TLE4: variants seen among roughly 807,000 people sequenced by gnomAD.
TLE4 encodes the protein transducin-like enhancer protein 4.
A neutral mutation model predicts 92.8 loss-of-function variants in TLE4; 8 were observed. The observed-to-expected ratio is 0.09, with a 90% CI of 0.05 to 0.16. TLE4 has a LOEUF of 0.16. Ranked by LOEUF, TLE4 falls within the 10% of genes least tolerant of loss-of-function variation. The pLI is 1.00. For synonymous variants in TLE4, 371 were observed against 374.1 expected, an observed-to-expected ratio of 0.99 and a Z score of 0.10; for missense variants, 675 against 997.6, an observed-to-expected ratio of 0.68 and a Z score of 4.36.
chr9:79,697,451 T>C lies in TLE4; in HGVS notation c.610-7332T>C, dbSNP rs1588377838. ...ACTCATTCATCTACTTTCTTCCTTGTGTGGCCCAACACTTGCACCACATGC... is the reference window on the plus strand; with the variant it reads ...ACTCATTCATCTACTTTCTTCCTTGCGTGGCCCAACACTTGCACCACATGC... On this transcript the variant is annotated intron_variant, in intron 8 of 19. Transcript: ENST00000376552. 3.9e-5 allele frequency among the ~76,000 whole-genome samples: 6 copies of C among 152,142 alleles called. No individual in the cohort carries two copies. In the South Asian group the frequency reaches 1.2e-3, roughly 32 times the overall value.
intron 8 of TLE4, among the ~76,000 whole-genome samples, chr9:79,681,681 C>A (rs893014289): frequency 1.3e-5 from 2 of 151,408 alleles, no homozygotes; most frequent in African/African-American, 4.9e-5. Flanking sequence ...CTGTGGATAA[C>A]TTTTTAAGAA....
intron 4 of TLE4, among the ~76,000 whole-genome samples, chr9:79,598,263 G>GAA (rs938142420): frequency 1.6e-5 from 2 of 128,924 alleles, no homozygotes; most frequent in Non-Finnish European, 3.4e-5. Context: ...AAAAAAAAAA[G>GAA]AAAAAAAAAA....
At chr9:79,668,103 G>A (rs1361251872) in intron 8 of TLE4, among the ~76,000 whole-genome samples, 2 of 152,224 alleles carry the variant, frequency 1.3e-5, no homozygotes, top group African/African-American at 4.8e-5. Flanking sequence ...CTCCTACAGA[G>A]GGTATACAGT....
intron 4 of TLE4, among the ~76,000 whole-genome samples, chr9:79,604,149 A>G (rs1280263706): frequency 1.3e-5 from 2 of 152,176 alleles, no homozygotes; most frequent in Non-Finnish European, 2.9e-5. Flanking sequence ...GGTAAGTGAA[A>G]GCATCAGAGG....
At chr9:79,606,544 AG>A (rs1439038434) in intron 4 of TLE4, among the ~76,000 whole-genome samples, 1 of 151,600 alleles carries the variant, frequency 6.6e-6, no homozygotes, top group African/African-American at 2.4e-5. Context: ...ACTCCCCAAC[AG>A]GCCCTGATGT....
chr9:79,612,658 A>T lies in TLE4; in HGVS notation c.255A>T (p.Ala85=). The change falls in exon 5 of 20, where the codon GCA becomes GCT. Residue 85 remains alanine (A), a splice_region_variant and synonymous_variant. Transcript: ENST00000376552. The part of the protein sequence containing the change: ...YGLNIEMHKQ[A]EIVKRLNAIC... Reference sequence around the variant, plus strand: ...TTCCTTTCCCTTATTTTTTGCAGGCAGAGATTGTCAAGAGGCTGAATGCTA... The same window carrying T: ...TTCCTTTCCCTTATTTTTTGCAGGCTGAGATTGTCAAGAGGCTGAATGCTA... The T allele has an allele frequency of 6.2e-7, 1 of 1,612,898 alleles. No homozygotes were observed. The highest frequency in any genetic ancestry group is 8.5e-7 in the Non-Finnish European group (1 of 1,179,190).
intron 6 of TLE4, among the ~76,000 whole-genome samples, chr9:79,648,409 A>T (rs2058432737): frequency 6.6e-6 from 1 of 152,198 alleles, no homozygotes; most frequent in African/African-American, 2.4e-5. Flanking sequence ...AGTGAATAAT[A>T]CAGGGAGCCC....
intron 14 of TLE4, among the ~76,000 whole-genome samples, chr9:79,715,634 T>G (rs1170785944): frequency 2.0e-5 from 3 of 152,126 alleles, no homozygotes; most frequent in African/African-American, 7.2e-5. Context: ...GACTACCCCC[T>G]CTTCCACCTT....
intron 8 of TLE4, among the ~76,000 whole-genome samples, chr9:79,701,723 C>T (rs897625473): frequency 4.6e-5 from 7 of 152,144 alleles, no homozygotes; most frequent in Non-Finnish European, 7.3e-5. Flanking sequence ...ATTGTTCATC[C>T]TAGTGATGCT....
At chr9:79,706,094 G>A in intron 10 of TLE4, 152 bp downstream of exon 10, 1 of 779,232 alleles carries the variant, frequency 1.3e-6, no homozygotes, top group Admixed American at 1.9e-5. Flanking sequence ...GCCCTGGCTA[G>A]AGTACAGTAT....
At chr9:79,621,845 TA>T (rs1227570193) in intron 5 of TLE4, among the ~76,000 whole-genome samples, 1 of 152,166 alleles carries the variant, frequency 6.6e-6, no homozygotes, top group Non-Finnish European at 1.5e-5. Context: ...AGTGGCTTCT[TA>T]AGTACATGTG....
At chr9:79,694,486 G>T (rs1455445409) in intron 8 of TLE4, among the ~76,000 whole-genome samples, 2 of 152,124 alleles carry the variant, frequency 1.3e-5, no homozygotes, top group African/African-American at 4.8e-5. Context: ...TTGTTGTCAT[G>T]TGAAAGCTCG....
chr9:79,720,177 A>G lies in TLE4; in HGVS notation c.1722A>G (p.Thr574=). Reference sequence around the variant, plus strand: ...CCCCACGCATCAAGGCAGAGCTGACATCCTCGGCCCCCGCCTGCTATGCCC... The same window carrying G: ...CCCCACGCATCAAGGCAGAGCTGACGTCCTCGGCCCCCGCCTGCTATGCCC... The part of the protein sequence containing the change: ...APTPRIKAEL[T]SSAPACYALA... Residue 574 remains threonine, a synonymous_variant, in exon 16 of 20, where the codon ACA becomes ACG. Coordinates refer to ENST00000376552, the MANE Select transcript of TLE4 (RefSeq NM_007005.6). 6.2e-7 allele frequency: 1 copy of G among 1,614,202 alleles called. No individual in the cohort carries two copies. Among genetic ancestry groups the G allele is most frequent in the South Asian group, 1.1e-5 (1 of 91,084 alleles).
intron 16 of TLE4, 103 bp from the exon 17 acceptor site, chr9:79,721,638 A>G: frequency 6.6e-7 from 1 of 1,516,856 alleles, no homozygotes; most frequent in Non-Finnish European, 8.9e-7. Flanking sequence ...AATGAAATCT[A>G]CAAATAAGGC....
intron 4 of TLE4, among the ~76,000 whole-genome samples, chr9:79,585,467 C>T (rs866527865): frequency 7.2e-5 from 11 of 152,184 alleles, no homozygotes; most frequent in Admixed American, 4.6e-4. Flanking sequence ...TGACTGATTC[C>T]GGAGCCTCAG....
intron 8 of TLE4, among the ~76,000 whole-genome samples, chr9:79,673,751 C>T (rs902810587): frequency 1.3e-5 from 2 of 152,158 alleles, no homozygotes; most frequent in African/African-American, 4.8e-5. Context: ...CATGTTACTT[C>T]TTGTCAACCA....
chr9:79,702,374 T>C (rs1341250969), intron 8 of TLE4, among the ~76,000 whole-genome samples: 1 of 152,122 alleles, frequency 6.6e-6, no homozygotes, highest in Non-Finnish European at 1.5e-5. Flanking sequence ...AGAAACGGGA[T>C]TGAGGCATGA....
intron 4 of TLE4, among the ~76,000 whole-genome samples, chr9:79,593,356 C>G (rs2043153226): frequency 1.3e-5 from 2 of 152,096 alleles, no homozygotes; most frequent in South Asian, 4.1e-4. Context: ...TACCACACAC[C>G]CATGTATCTA....
intron 8 of TLE4, among the ~76,000 whole-genome samples, chr9:79,700,979 C>A (rs1265117423): frequency 6.6e-6 from 1 of 151,634 alleles, no homozygotes; most frequent in African/African-American, 2.4e-5. Flanking sequence ...TGAGAAATAT[C>A]TAAATTGAGC....
Sources: allele counts gnomAD v4.1 joint callset (sites outside exome capture counted in the v4.1 genomes callset), GRCh38; gene constraint gnomAD v4.1.1; transcripts MANE v1.5; gene names NCBI Gene and HGNC (gene_info 2026-07-23, HGNC 2026-07-21).